Variants in SRGAP3 observed in about 807,000 individuals in gnomAD.
The protein encoded by SRGAP3 is SLIT-ROBO Rho GTPase-activating protein 3.
SRGAP3 carries 39 observed loss-of-function variants against 121.1 expected under a neutral mutation model. That is an observed-to-expected ratio of 0.32 (90% CI 0.25 to 0.42). The LOEUF (loss-of-function observed/expected upper bound fraction) is 0.42, where lower values mean the gene tolerates loss of function less well. Among genes scored for constraint, SRGAP3 ranks in the 10% least tolerant of loss-of-function variants. The pLI, the probability that SRGAP3 is intolerant of heterozygous loss-of-function variation, is 1.00. For synonymous variants in SRGAP3, 601 were observed against 570.0 expected (o/e 1.05, Z -0.77); for missense variants, 1,213 against 1,470.6 (o/e 0.82, Z 2.86).
intron 18 of SRGAP3, among the ~76,000 whole-genome samples, chr3:9,005,451 T>G (rs1943017728): frequency 6.6e-6 from 1 of 151,852 alleles, no homozygotes; most frequent in Admixed American, 6.6e-5. Flanking sequence ...AATGAAAAAT[T>G]CTGTCTATAC....
At position 9,155,304 on chromosome 3, in the gene SRGAP3, T is replaced by C. The variant is rs142690367; in HGVS notation, c.68-30387A>G. On this transcript the variant is annotated intron_variant, in intron 1 of 21. Coordinates refer to ENST00000383836, the MANE Select transcript of SRGAP3 (RefSeq NM_014850.4). Reference sequence around the variant, plus strand: ...TTGTCCCTTTGTAGGTAATTTGTCTTTTCTCTCTGGAGGCTTTGAGAGTCT... The same window carrying C: ...TTGTCCCTTTGTAGGTAATTTGTCTCTTCTCTCTGGAGGCTTTGAGAGTCT... Among the ~76,000 whole-genome samples the C allele has an allele frequency of 1.7e-3, 264 of 152,282 alleles. 2 individuals are homozygous for C. The East Asian group carries it at 0.022, about 13-fold the overall frequency.
chr3:9,220,017 A>G (rs901921546), intron 1 of SRGAP3, among the ~76,000 whole-genome samples: 1 of 152,164 alleles, frequency 6.6e-6, no homozygotes, highest in African/African-American at 2.4e-5. Flanking sequence ...ACTGATCATT[A>G]CCAGAGGCTG....
intron 1 of SRGAP3, among the ~76,000 whole-genome samples, chr3:9,167,896 T>C (rs769514520): frequency 6.6e-6 from 1 of 152,216 alleles, no homozygotes; most frequent in Non-Finnish European, 1.5e-5. Context: ...CCATGGTGCA[T>C]GCAGAAGCAG....
intron 12 of SRGAP3, chr3:9,028,015 G>A (rs79416572): frequency 0.013 from 19,660 of 1,512,078 alleles, 186 homozygotes; most frequent in Middle Eastern, 0.073. Context: ...TCAGCAACAG[G>A]CAAGGTGGGC....
chr3:9,057,543 C>T (rs1292438431), intron 7 of SRGAP3, among the ~76,000 whole-genome samples: 2 of 152,136 alleles, frequency 1.3e-5, no homozygotes, highest in East Asian at 3.9e-4. Flanking sequence ...TGCCTCCTTG[C>T]CCCTCCCCTC....
chr3:9,237,629 A>G (rs1953462087), intron 1 of SRGAP3, among the ~76,000 whole-genome samples: 1 of 152,242 alleles, frequency 6.6e-6, no homozygotes, highest in African/African-American at 2.4e-5. Flanking sequence ...AGAGCATTCC[A>G]GAAAGATGGA....
intron 10 of SRGAP3, among the ~76,000 whole-genome samples, chr3:9,038,439 G>C (rs1944870330): frequency 6.6e-6 from 1 of 152,216 alleles, no homozygotes. Context: ...GAATCTCTGA[G>C]ATAAAAACCC....
intron 1 of SRGAP3, among the ~76,000 whole-genome samples, chr3:9,225,250 A>G: frequency 6.6e-6 from 1 of 152,186 alleles, no homozygotes. Context: ...GCTCTGTCTC[A>G]GCCACTTCCA....
At chr3:9,123,008 G>A (rs1949071297) in intron 2 of SRGAP3, among the ~76,000 whole-genome samples, 1 of 152,186 alleles carries the variant, frequency 6.6e-6, no homozygotes, top group Non-Finnish European at 1.5e-5. Flanking sequence ...CCTGAAAAAG[G>A]AAGAACATTC....
In SRGAP3 at chr3:9,248,238, A is replaced by G. The variant is rs1185084906; in HGVS notation, c.67+647T>C. ...AGGGCACAGAGTGATTGGGCTGCAC[A>G]CTGCGAGATAATACATTTTCTGCAC... On this transcript the variant is annotated intron_variant, in intron 1 of 21. Coordinates refer to ENST00000383836, the MANE Select transcript of SRGAP3 (RefSeq NM_014850.4). Among the ~76,000 whole-genome samples the G allele has an allele frequency of 3.9e-5, 6 of 152,212 alleles. No individual in the cohort carries two copies. The East Asian group carries it at 1.2e-3, about 29-fold the overall frequency.
intron 1 of SRGAP3, among the ~76,000 whole-genome samples, chr3:9,166,468 A>G (rs2664106): frequency 0.51 from 77,790 of 151,978 alleles, 23,372 homozygotes; most frequent in Non-Finnish European, 0.68. Flanking sequence ...GCAACTAAGG[A>G]TGCCCATGTG....
intron 1 of SRGAP3, among the ~76,000 whole-genome samples, chr3:9,351,406 T>C (rs1314209829): frequency 1.3e-5 from 2 of 152,194 alleles, no homozygotes; most frequent in East Asian, 1.9e-4. Context: ...AATATCCTTT[T>C]GCAAGTTGGT....
At chr3:9,096,053 C>G (rs1262132486) in intron 3 of SRGAP3, among the ~76,000 whole-genome samples, 2 of 152,064 alleles carry the variant, frequency 1.3e-5, no homozygotes, top group African/African-American at 2.4e-5. Flanking sequence ...GCCTGGGCAA[C>G]AGAGTGAAAC....
intron 4 of SRGAP3, among the ~76,000 whole-genome samples, chr3:9,070,893 C>A (rs1946674911): frequency 6.6e-6 from 1 of 152,158 alleles, no homozygotes; most frequent in Non-Finnish European, 1.5e-5. Flanking sequence ...GGCAATTACA[C>A]AAGTGATGAT....
chr3:9,361,164 G>C (rs1033790227), intron 1 of SRGAP3, among the ~76,000 whole-genome samples: 1 of 152,146 alleles, frequency 6.6e-6, no homozygotes, highest in African/African-American at 2.4e-5. Flanking sequence ...GTGCAGTGAT[G>C]TGATCATAAC....
intron 1 of SRGAP3, among the ~76,000 whole-genome samples, chr3:9,208,490 C>T (rs9865792): frequency 0.072 from 10,958 of 152,248 alleles, 631 homozygotes; most frequent in African/African-American, 0.16. Flanking sequence ...TGCTTTCACT[C>T]CCCGGACTCT....
At chr3:9,320,596 A>G (rs1482825537) in intron 3 of SRGAP3, among the ~76,000 whole-genome samples, 1 of 151,932 alleles carries the variant, frequency 6.6e-6, no homozygotes, top group Non-Finnish European at 1.5e-5. Flanking sequence ...AGAAGCTGCT[A>G]TGCTTCCTGT....
Position 9,279,864 on chromosome 3 carries a change from G to A in SRGAP3, n.442+46146C>T, listed in dbSNP as rs147571483. Among the ~76,000 whole-genome samples the A allele has an allele frequency of 2.2e-3, 333 of 152,242 alleles. 2 individuals are homozygous for A. Among genetic ancestry groups the A allele is most frequent in the Middle Eastern group, 0.017 (5 of 294 alleles). ...AGAGGGTGCCAGGACAGGCAGTAAG[G>A]TGGCAGACCCCACAATGGACACATG... On this transcript the variant is annotated intron_variant and non_coding_transcript_variant, in intron 3 of 3. Coordinates refer to the SRGAP3 transcript ENST00000490889.
chr3:9,133,816 A>C (rs184331839), intron 1 of SRGAP3, among the ~76,000 whole-genome samples: 1 of 152,366 alleles, frequency 6.6e-6, no homozygotes, highest in Non-Finnish European at 1.5e-5. Flanking sequence ...ACAAAGCAGG[A>C]ACTATTTAGA....
Sources: gnomAD v4.1 joint callset for allele counts (sites outside exome capture counted in the v4.1 genomes callset) on GRCh38, gnomAD v4.1.1 for gene constraint, MANE v1.5 for transcripts, NCBI Gene and HGNC (gene_info 2026-07-23, HGNC 2026-07-21) for gene names.